The following ELP2 variants were observed in gnomAD, a reference collection of about 807,000 sequenced individuals.
The protein encoded by ELP2 is elongator acetyltransferase complex subunit 2.
A neutral mutation model predicts 119.2 loss-of-function variants in ELP2; 90 were observed. The ratio of observed to expected loss-of-function variants is 0.75; its 90% CI spans 0.64 to 0.90. The LOEUF (loss-of-function observed/expected upper bound fraction) is 0.90, where lower values mean the gene tolerates loss of function less well. ELP2 is among the 40% of genes least tolerant of loss of function. The pLI is 0.00. For synonymous variants in ELP2, 339 were observed against 331.0 expected (o/e 1.02, Z -0.26); for missense variants, 921 against 967.8 (o/e 0.95, Z 0.64).
intron 17 of ELP2, among the ~76,000 whole-genome samples, chr18:36,164,086 C>G (rs1296862438): frequency 1.3e-5 from 2 of 152,068 alleles, no homozygotes; most frequent in South Asian, 2.1e-4. Context: ...CAGGATTGAT[C>G]TTTTTAAAAG....
At chr18:36,164,897 GGCAT>G in intron 18 of ELP2, 1 of 543,060 alleles carries the variant, frequency 1.8e-6, no homozygotes. Flanking sequence ...TAGTCAAGAT[GGCAT>G]GCATTCAGAT....
At chr18:36,138,095 A>G (rs1479666691) in intron 3 of ELP2, 175 bp from the exon 4 acceptor site, 1 of 606,912 alleles carries the variant, frequency 1.6e-6, no homozygotes. Context: ...GCTGTGTCAC[A>G]GGGCATGCAC....
At chr18:36,144,869 G>A in intron 8 of ELP2, 70 bp from the exon 9 acceptor site, 1 of 1,319,208 alleles carries the variant, frequency 7.6e-7, no homozygotes, top group South Asian at 1.2e-5. Flanking sequence ...TTGCCCAACT[G>A]TCTTGGTTAT....
At chr18:36,171,779 A>G (rs1263869863) in intron 21 of ELP2, among the ~76,000 whole-genome samples, 3 of 152,154 alleles carry the variant, frequency 2.0e-5, no homozygotes, top group Admixed American at 6.6e-5. Flanking sequence ...TGCAGTGGCA[A>G]GATCCCAGCT....
chr18:36,133,477 T>C (rs1421719014), intron 2 of ELP2, among the ~76,000 whole-genome samples, 161 bp downstream of exon 2: 2 of 152,202 alleles, frequency 1.3e-5, no homozygotes, highest in Admixed American at 6.5e-5. Flanking sequence ...ATATCTGAAC[T>C]GTATTTTTAC....
intron 11 of ELP2, among the ~76,000 whole-genome samples, chr18:36,149,161 C>G (rs551583872): frequency 1.3e-5 from 2 of 152,320 alleles, no homozygotes; most frequent in South Asian, 4.1e-4. Context: ...TTACTCTCAG[C>G]TGCTATTTCT....
chr18:36,158,092 G>T (rs2090626074), intron 13 of ELP2, among the ~76,000 whole-genome samples: 1 of 152,048 alleles, frequency 6.6e-6, no homozygotes, highest in African/African-American at 2.4e-5. Context: ...GTTTTTCTTT[G>T]TTTCTGAGAT....
At chr18:36,167,000 TA>T in intron 18 of ELP2, 100 bp from the exon 19 acceptor site, 1 of 1,239,622 alleles carries the variant, frequency 8.1e-7, no homozygotes, top group Non-Finnish European at 1.1e-6. Context: ...ATAAATTGAA[TA>T]TTAAGTCATA....
Position 36,179,757 on chromosome 18 carries a change from C to G in ELP2, c.*5116C>G, listed in dbSNP as rs548573010. The G allele has an allele frequency of 1.3e-5, 2 of 152,416 alleles. No individual in the cohort carries two copies. The highest frequency in any genetic ancestry group is 4.8e-5 in the African/African-American group (2 of 41,560). The allele number at this position is 152,416 out of a possible 1,614,324, so 9.4% of individuals were successfully genotyped here. A position where few individuals can be genotyped will look rare whatever the true frequency, so the allele number is the denominator to read the frequency against. ...CCCACTCTCACTTCTGCCCCTGCTA[C>G]CCTTAGTCTTTGGCTTTTGCTGACA... On this transcript the variant is annotated 3_prime_UTR_variant, in exon 22 of 22. Coordinates refer to ENST00000358232, the MANE Select transcript of ELP2 (RefSeq NM_018255.4).
At chr18:36,139,215 T>C (rs1239630800) in intron 5 of ELP2, among the ~76,000 whole-genome samples, 5 of 152,176 alleles carry the variant, frequency 3.3e-5, no homozygotes, top group African/African-American at 9.7e-5. Context: ...GTTGAAAAAG[T>C]GTTGAATGAA....
Position 36,149,291 on chromosome 18 carries a change from C to T in ELP2, c.1125+2910C>T, listed in dbSNP as rs79733599. 5.7e-3 allele frequency among the ~76,000 whole-genome samples: 873 copies of T among 152,272 alleles called. 5 individuals carry two copies. The highest frequency in any genetic ancestry group is 0.015 in the African/African-American group (604 of 41,558). ...AAGCAAGTAGCTCCTCAGTCTACTA[C>T]GTTCAGACAGGATAAGGTTAGGTAG... On this transcript the variant is annotated intron_variant, in intron 11 of 21. Transcript: ENST00000358232.
chr18:36,146,372 A>T lies in ELP2; in HGVS notation c.1116A>T (p.Thr372=), dbSNP rs34161623. ...CGTTGCACCTTTGGAAACAGAATAC[A>T]GTTAACCCAGTAAGAAAAGAGTGTT... ...HGALHLWKQN[T]VNPREWTPEI... Residue 372 remains threonine, a synonymous_variant, in exon 11 of 22, where the codon ACA becomes ACT. Coordinates refer to ENST00000358232, the MANE Select transcript of ELP2 (RefSeq NM_018255.4). 1.5e-3 allele frequency: 2,397 copies of T among 1,613,926 alleles called. 35 individuals are homozygous for T. In the African/African-American group the frequency reaches 0.027, roughly 18 times the overall value.
intron 3 of ELP2, chr18:36,136,631 C>T (rs2089836851): frequency 2.3e-6 from 1 of 425,976 alleles, no homozygotes; most frequent in African/African-American, 2.0e-5. Context: ...TTTATATATA[C>T]TTTTATTTTA....
At position 36,170,073 on chromosome 18, in the gene ELP2, G is replaced by T. The variant is rs11548417; in HGVS notation, c.2087G>T (p.Trp696Leu). ...ATCTGTCTGTATTAGGTGGTTGTCT[G>T]GGGTGAGTGCGACTCCACTGATGAC... ...TGSRDKKVVVWGECDSTDDCI... is the reference protein window; with the variant it reads ...TGSRDKKVVVLGECDSTDDCI... The change falls in exon 20 of 22, where the codon TGG (tryptophan) becomes TTG (leucine). Residue 696 changes from tryptophan to leucine, a missense_variant. Coordinates refer to ENST00000358232, the MANE Select transcript of ELP2 (RefSeq NM_018255.4). 6.2e-6 allele frequency: 10 copies of T among 1,614,042 alleles called. No homozygotes were observed. In the African/African-American group the frequency reaches 6.7e-5, roughly 11 times the overall value.
At chr18:36,154,767 T>G in intron 11 of ELP2, 83 bp from the exon 12 acceptor site, 1 of 1,517,514 alleles carries the variant, frequency 6.6e-7, no homozygotes, top group Non-Finnish European at 9.1e-7. Context: ...GGCTTTAGTC[T>G]TCTCTGTTAT....
At position 36,177,609 on chromosome 18, in the gene ELP2, C is replaced by G. The variant is rs939175932; in HGVS notation, c.*2968C>G. The stretch of plus-strand genomic sequence containing the variant: ...GTTATGTGAATGCTGTATGCCAACT[C>G]AACTGTACACTCTAAAATGGTTAAG... On this transcript the variant is annotated 3_prime_UTR_variant, in exon 22 of 22. Transcript: ENST00000358232. 6.6e-6 allele frequency: 1 copy of G among 152,026 alleles called. No individual in the cohort carries two copies. The highest frequency in any genetic ancestry group is 1.5e-5 in the Non-Finnish European group (1 of 68,022). 9.4% of individuals were successfully genotyped at this position (152,026 alleles called of 1,614,324 possible). A position where few individuals can be genotyped will look rare whatever the true frequency, so the allele number is the denominator to read the frequency against.
In ELP2 at chr18:36,145,027, T is replaced by C; in HGVS notation, c.885T>C (p.Phe295=). ...WVNAVHWQPV[F]YKDGVLQQPV... ...ATGCAGTTCACTGGCAACCTGTGTT[T>C]TACAAAGGTAGGAAGAAAACCATAC... is the stretch of plus-strand genomic sequence containing the variant. The change falls in exon 9 of 22, where the codon TTT becomes TTC. Residue 295 remains phenylalanine (F), a synonymous_variant. Transcript: ENST00000358232. 6.2e-7 allele frequency: 1 copy of C among 1,612,882 alleles called. No homozygotes were observed. Among genetic ancestry groups the C allele is most frequent in the South Asian group, 1.1e-5 (1 of 91,064 alleles).
intron 3 of ELP2, 26 bp from the exon 4 acceptor site, chr18:36,138,244 T>C: frequency 6.2e-7 from 1 of 1,613,326 alleles, no homozygotes; most frequent in Non-Finnish European, 8.5e-7. Flanking sequence ...TTTTTCACAA[T>C]GCTTCTGTCA....
In ELP2 at chr18:36,180,285, G is replaced by A. The variant is rs1043007447; in HGVS notation, c.*5644G>A. Reference sequence around the variant, plus strand: ...CCATACTATTTTGCTTAATCTCCTCGGGCAGAATTTAGTGTTGTGGCCATA... The same window carrying A: ...CCATACTATTTTGCTTAATCTCCTCAGGCAGAATTTAGTGTTGTGGCCATA... On this transcript the variant is annotated 3_prime_UTR_variant, in exon 22 of 22. Coordinates refer to ENST00000358232, the MANE Select transcript of ELP2 (RefSeq NM_018255.4). 3.9e-5 allele frequency: 6 copies of A among 152,130 alleles called. No individual in the cohort carries two copies. Among genetic ancestry groups the A allele is most frequent in the Non-Finnish European group, 7.3e-5 (5 of 68,028 alleles). 9.4% of individuals were successfully genotyped at this position (152,130 alleles called of 1,614,324 possible).
Sources: allele counts gnomAD v4.1 joint callset (sites outside exome capture counted in the v4.1 genomes callset), GRCh38; gene constraint gnomAD v4.1.1; transcripts MANE v1.5; gene names NCBI Gene and HGNC (gene_info 2026-07-23, HGNC 2026-07-21).